Variants in APPL1 observed in about 807,000 individuals in gnomAD.
The protein encoded by APPL1 is adaptor protein, phosphotyrosine interacting with PH domain and leucine zipper 1, also known as DCC-interacting protein 13-alpha.
APPL1 carries 42 observed loss-of-function variants against 106.8 expected under a neutral mutation model. The observed-to-expected ratio is 0.39, with a 90% CI of 0.31 to 0.51. The LOEUF (loss-of-function observed/expected upper bound fraction) is 0.51, where lower values mean the gene tolerates loss of function less well. APPL1 is among the 20% of genes least tolerant of loss of function. The pLI, the probability that APPL1 is intolerant of heterozygous loss-of-function variation, is 0.75. For missense variants in APPL1, 769 were observed against 858.2 expected (o/e 0.90, Z 1.30); for synonymous variants, 263 against 281.8 (o/e 0.93, Z 0.67).
At chr3:57,239,529 CTCTT>C (rs142914519) in intron 4 of APPL1, among the ~76,000 whole-genome samples, 3,616 of 152,138 alleles carry the variant, frequency 0.024, 64 homozygotes, top group South Asian at 0.035. Context: ...ATCTGGTCAT[CTCTT>C]TATATATCTG....
chr3:57,268,926 A>G (rs186845115), intron 21 of APPL1: 1 of 152,804 alleles, frequency 6.5e-6, no homozygotes, highest in Admixed American at 6.5e-5. Flanking sequence ...TAAAAGACAA[A>G]TTTCAGAGCA....
chr3:57,250,683 T>C (rs867590465), intron 11 of APPL1, among the ~76,000 whole-genome samples: 69 of 152,170 alleles, frequency 4.5e-4, no homozygotes, highest in African/African-American at 1.7e-3. Flanking sequence ...ATGGCTATTC[T>C]ATAATCTATT....
intron 7 of APPL1, among the ~76,000 whole-genome samples, chr3:57,244,717 G>A (rs1344721469): frequency 2.0e-5 from 3 of 152,088 alleles, no homozygotes; most frequent in Admixed American, 2.0e-4. Flanking sequence ...GTGGACAGCC[G>A]CCAAAGGATT....
Position 57,260,757 on chromosome 3 carries a change from A to G in APPL1, c.1825A>G (p.Asn609Asp), listed in dbSNP as rs1426295846. The change falls in exon 19 of 22, where the codon AAC becomes GAC. Residue 609 changes from asparagine (N) to aspartate (D), a missense_variant. Transcript: ENST00000288266. ...ATCAGTCTGCTATATATTTGAGTCA[A>G]ACAATGAGGGGGAAAAGGTACATGG... ...LSSVCYIFES[N>D]NEGEKICDSV... 2 of 1,608,606 alleles carry G rather than the reference A, an allele frequency of 1.2e-6. No individual in the cohort carries two copies. Among genetic ancestry groups the G allele is most frequent in the South Asian group, 1.1e-5 (1 of 90,116 alleles).
chr3:57,247,094 T>A (rs2060778044), intron 8 of APPL1, among the ~76,000 whole-genome samples: 1 of 152,140 alleles, frequency 6.6e-6, no homozygotes, highest in Admixed American at 6.5e-5. Context: ...ATACTTTATA[T>A]AATTTATTGG....
chr3:57,266,136 A>T (rs1014324551), intron 19 of APPL1, among the ~76,000 whole-genome samples: 1 of 151,984 alleles, frequency 6.6e-6, no homozygotes, highest in East Asian at 1.9e-4. Flanking sequence ...TATTCATGAG[A>T]TATATTGGCC....
intron 11 of APPL1, among the ~76,000 whole-genome samples, chr3:57,251,031 T>C (rs1306304020): frequency 6.8e-6 from 1 of 147,660 alleles, no homozygotes; most frequent in African/African-American, 2.5e-5. Context: ...ATGGTCTCGA[T>C]CTCCTGACCT....
chr3:57,256,573 T>A (rs2060837628), intron 13 of APPL1, among the ~76,000 whole-genome samples: 1 of 152,220 alleles, frequency 6.6e-6, no homozygotes, highest in African/African-American at 2.4e-5. Context: ...ATGTATCGAT[T>A]GTCCATTGTG....
chr3:57,269,444 G>T, intron 21 of APPL1, 97 bp from the exon 22 acceptor site: 3 of 1,148,872 alleles, frequency 2.6e-6, no homozygotes, highest in South Asian at 3.3e-5. Flanking sequence ...ACATATTTAT[G>T]ACAGAAGAAG....
At chr3:57,242,938 A>T in intron 7 of APPL1, 24 bp downstream of exon 7, 1 of 1,570,010 alleles carries the variant, frequency 6.4e-7, no homozygotes, top group South Asian at 1.1e-5. Context: ...TTATTCCTTC[A>T]GTGTCATAAT....
chr3:57,232,908 A>G (rs750176056), intron 1 of APPL1, among the ~76,000 whole-genome samples: 17 of 152,174 alleles, frequency 1.1e-4, no homozygotes, highest in Non-Finnish European at 2.2e-4. Context: ...AGGCTGAGGC[A>G]GGAGAATGGC....
Position 57,257,352 on chromosome 3 carries a change from C to A in APPL1, c.1354C>A (p.Pro452Thr), listed in dbSNP as rs1449273924. Residue 452 changes from proline to threonine, a missense_variant, in exon 15 of 22, where the codon CCA (proline) becomes ACA (threonine). Coordinates refer to ENST00000288266, the MANE Select transcript of APPL1 (RefSeq NM_012096.3). ...SLDSLVAPDT[P>T]IQFDIISPVC... The stretch of plus-strand genomic sequence containing the variant: ...AGATTCTCTTGTTGCCCCAGACACC[C>A]CAATACAGTTTGACATAATTTCTCC... 2 of 1,614,086 alleles carry A rather than the reference C, an allele frequency of 1.2e-6. No individual in the cohort carries two copies. The highest frequency in any genetic ancestry group is 1.7e-6 in the Non-Finnish European group (2 of 1,180,008).
At chr3:57,247,557 T>C (rs774815882) in intron 9 of APPL1, 80 bp downstream of exon 9, 18 of 895,196 alleles carry the variant, frequency 2.0e-5, no homozygotes, top group African/African-American at 3.5e-5. Flanking sequence ...AAGATATTTA[T>C]CATTTACTTT....
intron 1 of APPL1, among the ~76,000 whole-genome samples, chr3:57,231,024 A>G (rs1226770907): frequency 2.0e-5 from 3 of 151,818 alleles, no homozygotes; most frequent in Non-Finnish European, 2.9e-5. Flanking sequence ...CAGCCTCCCA[A>G]GTAGCCCAAC....
At chr3:57,246,344 TAAG>T in intron 8 of APPL1, 122 bp downstream of exon 8, 1 of 698,022 alleles carries the variant, frequency 1.4e-6, no homozygotes, top group South Asian at 6.2e-5. Flanking sequence ...GTCTGTGTTT[TAAG>T]AAGTTATTTT....
rs1191815120 is a variant in APPL1, at chr3:57,269,963, AT to A, written c.*282del. On this transcript the variant is annotated 3_prime_UTR_variant, in exon 22 of 22. Transcript: ENST00000288266. ...GCTGAGGAATTACATTTGCTCAAGA[AT>A]TTTTTCCGTCAAATTGTGAACTTTT... 3 of 234,176 alleles carry A rather than the reference AT, an allele frequency of 1.3e-5. No individual in the cohort carries two copies. The highest frequency in any genetic ancestry group is 1.6e-5 in the Non-Finnish European group (2 of 122,046). 14.5% of individuals were successfully genotyped at this position (234,176 alleles called of 1,614,324 possible).
chr3:57,268,986 T>C (rs570207394), intron 21 of APPL1: 2 of 153,182 alleles, frequency 1.3e-5, no homozygotes, highest in African/African-American at 4.8e-5. Flanking sequence ...GAGCGTGTTA[T>C]GGGTTGTAGA....
chr3:57,252,252 C>A lies in APPL1; in HGVS notation c.1053-17C>A. ...CTTTTTTAAACAGTTGAGGCTCAAA[C>A]GTCTCTTCTCTTCCAGATCTTCAAT... On this transcript the variant is annotated splice_polypyrimidine_tract_variant and intron_variant, in intron 11 of 21. Coordinates refer to ENST00000288266, the MANE Select transcript of APPL1 (RefSeq NM_012096.3). 6.2e-7 allele frequency: 1 copy of A among 1,603,512 alleles called. No homozygotes were observed. Among genetic ancestry groups the A allele is most frequent in the East Asian group, 2.2e-5 (1 of 44,708 alleles).
chr3:57,249,637 G>A, intron 11 of APPL1, 89 bp downstream of exon 11: 5 of 1,178,010 alleles, frequency 4.2e-6, no homozygotes, highest in Non-Finnish European at 5.8e-6. Flanking sequence ...AAATTTTATG[G>A]ACATTTTAGG....
Sources: gnomAD v4.1 joint callset for allele counts (sites outside exome capture counted in the v4.1 genomes callset) on GRCh38, gnomAD v4.1.1 for gene constraint, MANE v1.5 for transcripts, NCBI Gene and HGNC (gene_info 2026-07-23, HGNC 2026-07-21) for gene names.